CCDC91: variants seen among roughly 807,000 people sequenced by gnomAD.
CCDC91 encodes the protein coiled-coil domain containing 91.
A neutral mutation model predicts 63.2 loss-of-function variants in CCDC91; 48 were observed. The observed-to-expected ratio is 0.76, with a 90% CI of 0.60 to 0.97. CCDC91 has a LOEUF of 0.97. Ranked by LOEUF, CCDC91 falls within the 50% of genes least tolerant of loss-of-function variation. The probability of loss-of-function intolerance (pLI) is 0.00; values close to 1 mark genes in which losing one functional copy is unlikely to be tolerated. For missense variants in CCDC91, 500 were observed against 494.6 expected (o/e 1.01, Z -0.10); for synonymous variants, 167 against 165.8 (o/e 1.01, Z -0.06).
At chr12:28,269,895 C>A (rs1592157143) in intron 3 of CCDC91, among the ~76,000 whole-genome samples, 1 of 151,848 alleles carries the variant, frequency 6.6e-6, no homozygotes, top group African/African-American at 2.4e-5. Flanking sequence ...TGCTGTTGTG[C>A]CTAATCAAAG....
At chr12:28,516,997 G>A (rs1376550352) in intron 12 of CCDC91, among the ~76,000 whole-genome samples, 1 of 151,884 alleles carries the variant, frequency 6.6e-6, no homozygotes, top group Admixed American at 6.6e-5. Flanking sequence ...GATGTGAAAA[G>A]TAAATTTGAG....
At chr12:28,458,564 G>A (rs1180724011) in intron 11 of CCDC91, among the ~76,000 whole-genome samples, 1 of 138,554 alleles carries the variant, frequency 7.2e-6, no homozygotes, top group African/African-American at 2.7e-5. Flanking sequence ...CCCCCTCCTG[G>A]TTTCAAGCAA....
chr12:28,286,541 T>C (rs776661263), intron 3 of CCDC91, among the ~76,000 whole-genome samples: 39 of 152,364 alleles, frequency 2.6e-4, no homozygotes, highest in Admixed American at 8.5e-4. Context: ...GGACATGATC[T>C]CATTCCTTTT....
chr12:28,191,173 A>G (rs980971625), intron 1 of CCDC91: 3 of 152,246 alleles, frequency 2.0e-5, no homozygotes, highest in African/African-American at 7.2e-5. Context: ...GTGGTGAGGT[A>G]TCCTTCGTCC....
intron 12 of CCDC91, among the ~76,000 whole-genome samples, chr12:28,487,063 A>G (rs1951765303): frequency 6.6e-6 from 1 of 151,954 alleles, no homozygotes. Flanking sequence ...GCTCTTTAGA[A>G]TAGTGTTTGG....
intron 1 of CCDC91, among the ~76,000 whole-genome samples, chr12:28,252,343 A>G (rs1327655213): frequency 6.6e-6 from 1 of 151,494 alleles, no homozygotes; most frequent in Non-Finnish European, 1.5e-5. Context: ...TATTTTGTTG[A>G]TGATTTCTTT....
At chr12:28,199,743 T>G (rs1470876474) in intron 1 of CCDC91, among the ~76,000 whole-genome samples, 1 of 152,246 alleles carries the variant, frequency 6.6e-6, no homozygotes, top group East Asian at 1.9e-4. Flanking sequence ...TCTTTTTCTT[T>G]TAGGAATTTG....
At chr12:28,546,350 C>T (rs1048004467) in intron 12 of CCDC91, among the ~76,000 whole-genome samples, 6 of 152,068 alleles carry the variant, frequency 3.9e-5, no homozygotes, top group Admixed American at 3.9e-4. Context: ...AATTTATATT[C>T]TTCTGAAATA....
rs866438175 is a variant in CCDC91, at chr12:28,201,437, A to C, written c.-15+10796A>C. ...CCCACATCTCAGACGATGGGCGGCCAGGCAGAGACGCTCCTCACTTCCTAG... is the reference window on the plus strand; with the variant it reads ...CCCACATCTCAGACGATGGGCGGCCCGGCAGAGACGCTCCTCACTTCCTAG... On this transcript the variant is annotated intron_variant, in intron 1 of 12. Coordinates refer to ENST00000536442, the MANE Select transcript of CCDC91 (RefSeq NM_018318.5). Among the ~76,000 whole-genome samples the C allele has an allele frequency of 6.5e-4, 68 of 104,446 alleles. 2 individuals carry two copies. The highest frequency in any genetic ancestry group is 1.9e-3 in the East Asian group (9 of 4,654). 68.5% of individuals were successfully genotyped at this position (104,446 alleles called of 152,430 possible).
chr12:28,273,683 GGTT>G (rs1947965482), intron 3 of CCDC91, among the ~76,000 whole-genome samples: 1 of 151,754 alleles, frequency 6.6e-6, no homozygotes, highest in Admixed American at 6.6e-5. Flanking sequence ...TTTTTGATGG[GGTT>G]GTTTGTTTTT....
At chr12:28,283,522 G>A (rs1441953223) in intron 3 of CCDC91, among the ~76,000 whole-genome samples, 4 of 148,586 alleles carry the variant, frequency 2.7e-5, no homozygotes, top group African/African-American at 9.7e-5. Context: ...CATTATTGGT[G>A]TATAGCAGTG....
chr12:28,453,414 G>T (rs1949910620), intron 11 of CCDC91, among the ~76,000 whole-genome samples: 1 of 151,902 alleles, frequency 6.6e-6, no homozygotes, highest in South Asian at 2.1e-4. Flanking sequence ...CATTATAAAT[G>T]CAGCTAAAAT....
chr12:28,476,912 T>A (rs1951130018), intron 11 of CCDC91, among the ~76,000 whole-genome samples: 1 of 152,100 alleles, frequency 6.6e-6, no homozygotes, highest in South Asian at 2.1e-4. Flanking sequence ...CTCACAAGAC[T>A]AAACCAGGAA....
intron 1 of CCDC91, among the ~76,000 whole-genome samples, chr12:28,232,055 A>G (rs1592055711): frequency 6.6e-6 from 1 of 152,204 alleles, no homozygotes; most frequent in East Asian, 1.9e-4. Context: ...ACTGCCAGGT[A>G]CATTGATGTC....
chr12:28,285,145 G>A (rs1053153753), intron 3 of CCDC91, among the ~76,000 whole-genome samples: 4 of 152,118 alleles, frequency 2.6e-5, no homozygotes, highest in Non-Finnish European at 5.9e-5. Flanking sequence ...GGAGAGGATT[G>A]AAATGGTTAT....
chr12:28,276,488 G>T (rs1948235425), intron 3 of CCDC91, among the ~76,000 whole-genome samples: 2 of 151,818 alleles, frequency 1.3e-5, no homozygotes, highest in African/African-American at 2.4e-5. Flanking sequence ...TATGAATGGT[G>T]GAAAATGTTT....
At chr12:28,488,475 G>A (rs970436544) in intron 12 of CCDC91, among the ~76,000 whole-genome samples, 1 of 151,700 alleles carries the variant, frequency 6.6e-6, no homozygotes, top group African/African-American at 2.4e-5. Flanking sequence ...AATCAATGAT[G>A]AATTAGTTTT....
In CCDC91 at chr12:28,535,400, T is replaced by C. The variant is rs566100614; in HGVS notation, c.1216-13663T>C. ...TTATTACTTGATCCTTCCATTCCCTTGCACAACGCCATTTATTTATGTTAA... is the reference window on the plus strand; with the variant it reads ...TTATTACTTGATCCTTCCATTCCCTCGCACAACGCCATTTATTTATGTTAA... On this transcript the variant is annotated intron_variant, in intron 12 of 12. Transcript: ENST00000536442. Among the ~76,000 whole-genome samples, 18 of 152,298 alleles carry C rather than the reference T, an allele frequency of 1.2e-4. No homozygotes were observed. In the South Asian group the frequency reaches 3.7e-3, roughly 32 times the overall value.
At chr12:28,537,275 C>T (rs1193427758) in intron 12 of CCDC91, among the ~76,000 whole-genome samples, 5 of 152,070 alleles carry the variant, frequency 3.3e-5, no homozygotes, top group Admixed American at 6.6e-5. Context: ...AATTTTCTTT[C>T]GTACATATAT....
Sources: gnomAD v4.1 joint callset for allele counts (sites outside exome capture counted in the v4.1 genomes callset) on GRCh38, gnomAD v4.1.1 for gene constraint, MANE v1.5 for transcripts, NCBI Gene and HGNC (gene_info 2026-07-23, HGNC 2026-07-21) for gene names.